Variants in HIPK1 observed in about 807,000 individuals in gnomAD.
The protein encoded by HIPK1 is homeodomain-interacting protein kinase 1.
HIPK1 carries 28 observed loss-of-function variants against 117.1 expected under a neutral mutation model. The ratio of observed to expected loss-of-function variants is 0.24; its 90% CI spans 0.18 to 0.33. HIPK1 has a LOEUF of 0.33. Ranked by LOEUF, HIPK1 falls within the 10% of genes least tolerant of loss-of-function variation. The probability of loss-of-function intolerance (pLI) is 1.00; values close to 1 mark genes in which losing one functional copy is unlikely to be tolerated. For missense variants in HIPK1, 1,122 were observed against 1,475.1 expected (o/e 0.76, Z 3.92); for synonymous variants, 605 against 562.5 (o/e 1.08, Z -1.07).
rs1211296359 is a variant in HIPK1 at position 113,941,623 on chromosome 1, CATTT to C, written c.1076+169_1076+172del. Among the ~76,000 whole-genome samples the C allele has an allele frequency of 6.6e-6, 1 of 152,142 alleles. No homozygotes were observed. The highest frequency in any genetic ancestry group is 2.4e-5 in the African/African-American group (1 of 41,430). On this transcript the variant is annotated intron_variant, in intron 2 of 15. Transcript: ENST00000426820. The surrounding 1 kb of genome is among the most constrained non-coding windows in gnomAD (Gnocchi z 4.9). ...ATGTGTGTGGCATTCCTATATATGA[CATTT>C]ATTTCTGAAATTTTATCTAGCACTG...
In HIPK1 at chr1:113,973,427, C is replaced by A; in HGVS notation, c.3548C>A (p.Ser1183Tyr). The A allele has an allele frequency of 6.2e-7, 1 of 1,614,038 alleles. No homozygotes were observed. Among genetic ancestry groups the A allele is most frequent in the African/African-American group, 1.3e-5 (1 of 75,040 alleles). ...TACCAACACCAGTTTGCCACCCAAT[C>A]CTACATTGGGTCTTCCCGAGGCTCA... ...AQYQHQFATQ[S>Y]YIGSSRGSTI... The change falls in exon 16 of 16, where the codon TCC (serine) becomes TAC (tyrosine). Residue 1183 changes from serine to tyrosine, a missense_variant. Coordinates refer to ENST00000426820, the MANE Select transcript of HIPK1 (RefSeq NM_198268.3).
intron 10 of HIPK1, 67 bp from the exon 11 acceptor site, chr1:113,966,063 A>G (rs72691850): frequency 0.027 from 40,426 of 1,489,196 alleles, 867 homozygotes; most frequent in Admixed American, 0.1. Context: ...TTCTTTCTTT[A>G]AAAAAACAGA....
At chr1:113,964,265 G>A (rs753297503) in intron 10 of HIPK1, among the ~76,000 whole-genome samples, 1 of 152,162 alleles carries the variant, frequency 6.6e-6, no homozygotes, top group Non-Finnish European at 1.5e-5. Flanking sequence ...TTTATACAAA[G>A]GTTGAAAGTA....
chr1:113,944,110 G>A (rs1414402323), intron 2 of HIPK1, among the ~76,000 whole-genome samples: 1 of 146,326 alleles, frequency 6.8e-6, no homozygotes, highest in African/African-American at 2.5e-5. Flanking sequence ...GATTACAGGT[G>A]TGAACTACCA....
chr1:113,975,263 TG>T lies in HIPK1; in HGVS notation c.*1752del, dbSNP rs1197681219. 6.5e-6 allele frequency: 1 copy of T among 152,790 alleles called. No individual in the cohort carries two copies. The highest frequency in any genetic ancestry group is 1.5e-5 in the Non-Finnish European group (1 of 68,052). The allele number at this position is 152,790 out of a possible 1,614,324, so 9.5% of individuals were successfully genotyped here. A position where few individuals can be genotyped will look rare whatever the true frequency, so the allele number is the denominator to read the frequency against. ...ATCAGAACAGGATTAGTAGCTGTAT[TG>T]TGTAATGCATTGTTCTCAGTTTCCC... On this transcript the variant is annotated 3_prime_UTR_variant, in exon 16 of 16. Transcript: ENST00000426820.
chr1:113,956,550 T>A (rs1671741473), intron 5 of HIPK1, 77 bp from the exon 6 acceptor site: 2 of 979,296 alleles, frequency 2.0e-6, no homozygotes, highest in Non-Finnish European at 3.1e-6. Context: ...ACACACATAG[T>A]TTGGAGGGAA....
chr1:113,941,110 A>G lies in HIPK1; in HGVS notation c.727A>G (p.Ser243Gly), dbSNP rs550589087. 6.2e-7 allele frequency: 1 copy of G among 1,614,262 alleles called. No individual in the cohort carries two copies. The part of the protein sequence containing the change: ...IEVSILSRLS[S>G]ENADEYNFVR... ...AGTGAGCATCCTTTCCCGCCTAAGC[A>G]GTGAAAATGCTGATGAGTATAATTT... The change falls in exon 2 of 16, where the codon AGT becomes GGT. Residue 243 changes from serine to glycine, a missense_variant. Around this residue, in one of 6 missense-constraint regions of HIPK1, gnomAD observed 62 missense variants for 121.5 expected, o/e 0.51. Transcript: ENST00000426820. The surrounding 1 kb of genome is among the most constrained non-coding windows in gnomAD (Gnocchi z 4.9).
chr1:113,933,820 A>G (rs1345771407), intron 1 of HIPK1, among the ~76,000 whole-genome samples: 1 of 152,142 alleles, frequency 6.6e-6, no homozygotes, highest in African/African-American at 2.4e-5. Context: ...TGAACGAACC[A>G]TGATCGTGTA....
chr1:113,972,367 C>A (rs1463665679), intron 15 of HIPK1, among the ~76,000 whole-genome samples: 1 of 152,238 alleles, frequency 6.6e-6, no homozygotes, highest in Non-Finnish European at 1.5e-5. Flanking sequence ...CCAAATTCAA[C>A]TGGTTCTAGG....
chr1:113,972,950 G>A (rs1672934874), intron 15 of HIPK1, 74 bp from the exon 16 acceptor site: 2 of 1,470,524 alleles, frequency 1.4e-6, no homozygotes, highest in Non-Finnish European at 1.8e-6. Context: ...CAGAACCTGA[G>A]CTCTTAACTT....
intron 6 of HIPK1, 61 bp downstream of exon 6, chr1:113,956,872 C>A: frequency 6.9e-7 from 1 of 1,452,848 alleles, no homozygotes. Flanking sequence ...ACCGCCTTAT[C>A]AATGGCACTA....
At chr1:113,955,106 A>C (rs907851029) in intron 4 of HIPK1, among the ~76,000 whole-genome samples, 5 of 152,190 alleles carry the variant, frequency 3.3e-5, no homozygotes, top group African/African-American at 1.2e-4. Context: ...TAAAATCACA[A>C]ATTTTCTAAC....
chr1:113,955,733 G>A, intron 5 of HIPK1, 84 bp downstream of exon 5: 2 of 685,574 alleles, frequency 2.9e-6, no homozygotes, highest in Non-Finnish European at 2.5e-6. Flanking sequence ...CAAATTTAAT[G>A]TTATCTTTCT....
At chr1:113,931,078 A>T (rs978808004) in intron 1 of HIPK1, among the ~76,000 whole-genome samples, 1 of 152,054 alleles carries the variant, frequency 6.6e-6, no homozygotes, top group African/African-American at 2.4e-5. Flanking sequence ...CTCTTGATGA[A>T]ATAGGGTTAA....
chr1:113,956,513 GT>G, intron 5 of HIPK1, 113 bp from the exon 6 acceptor site: 1 of 560,900 alleles, frequency 1.8e-6, no homozygotes. Context: ...ATTTCCCCAG[GT>G]TTCTCTTTTG....
intron 1 of HIPK1, among the ~76,000 whole-genome samples, chr1:113,935,149 A>G (rs936949473): frequency 3.3e-5 from 5 of 151,942 alleles, no homozygotes; most frequent in Non-Finnish European, 5.9e-5. Flanking sequence ...AGTGCCTGAC[A>G]TTTATTTTTT....
At chr1:113,931,833 G>A (rs1669917496) in intron 1 of HIPK1, among the ~76,000 whole-genome samples, 1 of 152,186 alleles carries the variant, frequency 6.6e-6, no homozygotes, top group South Asian at 2.1e-4. Context: ...AACTGGTCTT[G>A]TAATTTGAAG....
intron 9 of HIPK1, among the ~76,000 whole-genome samples, chr1:113,963,125 G>A (rs1672231136): frequency 6.6e-6 from 1 of 152,182 alleles, no homozygotes. Flanking sequence ...CTTAATAAAT[G>A]TCTCTGTTTC....
At chr1:113,955,481 C>G (rs1049071598) in intron 4 of HIPK1, 82 bp from the exon 5 acceptor site, 14 of 833,332 alleles carry the variant, frequency 1.7e-5, no homozygotes, top group Non-Finnish European at 7.9e-6. Context: ...ACACTTGTCT[C>G]TTGTATTCTG....
Sources: allele counts gnomAD v4.1 joint callset (sites outside exome capture counted in the v4.1 genomes callset), GRCh38; gene constraint gnomAD v4.1.1; regional missense constraint gnomAD v4.1.1; non-coding constraint Gnocchi (gnomAD v3.1); transcripts MANE v1.5; gene names NCBI Gene and HGNC (gene_info 2026-07-23, HGNC 2026-07-21).